NR6A1: variants seen among roughly 807,000 people sequenced by gnomAD.
NR6A1 encodes the protein nuclear receptor subfamily 6 group A member 1, also known as retinoic acid receptor-related testis-associated receptor.
Under a neutral mutation model 59.1 loss-of-function variants are expected in NR6A1, and 7 were observed. The ratio of observed to expected loss-of-function variants is 0.12; its 90% confidence interval spans 0.07 to 0.22. NR6A1 has a LOEUF of 0.22. NR6A1 is among the 10% of genes least tolerant of loss of function. The pLI is 1.00. For synonymous variants in NR6A1, 243 were observed against 236.1 expected (o/e 1.03, Z -0.27); for missense variants, 468 against 611.6 (o/e 0.77, Z 2.48).
intron 2 of NR6A1, among the ~76,000 whole-genome samples, chr9:124,582,190 T>G (rs543025852): frequency 1.4e-4 from 21 of 152,168 alleles, no homozygotes; most frequent in Non-Finnish European, 2.6e-4. Context: ...CCATCAGTGA[T>G]AGACTGGATA....
At chr9:124,640,797 A>AT (rs1836749197) in intron 2 of NR6A1, among the ~76,000 whole-genome samples, 1 of 151,984 alleles carries the variant, frequency 6.6e-6, no homozygotes, top group South Asian at 2.1e-4. Flanking sequence ...TAATTTTTGT[A>AT]TTTTTTGTAG....
chr9:124,712,187 G>A lies in NR6A1; in HGVS notation c.142+21121C>T, dbSNP rs555767034. 2.0e-5 allele frequency among the ~76,000 whole-genome samples: 3 copies of A among 152,328 alleles called. No homozygotes were observed. The South Asian group carries it at 6.2e-4, about 32-fold the overall frequency. ...GATGGAGACTTAAAAACTGAAGGAG[G>A]AGGAGAGAGCGCTTATGCCCATCTA... On this transcript the variant is annotated intron_variant, in intron 2 of 9. Transcript: ENST00000487099.
chr9:124,653,517 C>T (rs1837162264), intron 2 of NR6A1, among the ~76,000 whole-genome samples: 1 of 151,980 alleles, frequency 6.6e-6, no homozygotes, highest in African/African-American at 2.4e-5. Flanking sequence ...CTCAAGTGAC[C>T]CTCTCTCCTC....
chr9:124,734,684 C>T (rs1045239053), intron 1 of NR6A1, among the ~76,000 whole-genome samples: 3 of 151,954 alleles, frequency 2.0e-5, no homozygotes, highest in African/African-American at 7.3e-5. Flanking sequence ...CAGAGCGAGA[C>T]GCTGTCTCAA....
chr9:124,635,792 T>C (rs572866923), intron 2 of NR6A1, among the ~76,000 whole-genome samples: 1 of 152,326 alleles, frequency 6.6e-6, no homozygotes, highest in South Asian at 2.1e-4. Flanking sequence ...GTTGCTCCCA[T>C]GTTTTGGCAA....
At chr9:124,623,641 C>A (rs926758033) in intron 2 of NR6A1, among the ~76,000 whole-genome samples, 33 of 152,012 alleles carry the variant, frequency 2.2e-4, no homozygotes, top group Non-Finnish European at 4.1e-4. Context: ...CAGGCATGGG[C>A]CACCACACCC....
chr9:124,549,519 C>T (rs1160338636), intron 3 of NR6A1, among the ~76,000 whole-genome samples: 1 of 152,160 alleles, frequency 6.6e-6, no homozygotes, highest in African/African-American at 2.4e-5. Flanking sequence ...ATTCACCACC[C>T]TTCTTTAGAT....
chr9:124,616,509 A>G (rs750485438), intron 2 of NR6A1, among the ~76,000 whole-genome samples: 17 of 151,976 alleles, frequency 1.1e-4, no homozygotes, highest in Non-Finnish European at 2.4e-4. Flanking sequence ...CTTTCTAAGC[A>G]TAACATGAAA....
chr9:124,538,545 C>CA (rs1485656321), intron 5 of NR6A1, among the ~76,000 whole-genome samples: 1 of 152,162 alleles, frequency 6.6e-6, no homozygotes, highest in Non-Finnish European at 1.5e-5. Flanking sequence ...ACTGGACACT[C>CA]AGTGCATGGC....
intron 2 of NR6A1, among the ~76,000 whole-genome samples, chr9:124,649,610 T>C (rs911754914): frequency 2.6e-5 from 4 of 152,110 alleles, no homozygotes; most frequent in African/African-American, 9.7e-5. Context: ...CAAATGGGGT[T>C]ATATCAAGCT....
At chr9:124,555,483 G>GCA (rs1833896437) in intron 2 of NR6A1, among the ~76,000 whole-genome samples, 1 of 152,190 alleles carries the variant, frequency 6.6e-6, no homozygotes, top group Non-Finnish European at 1.5e-5. Flanking sequence ...AGGCGTGATG[G>GCA]CACACACCTG....
chr9:124,709,713 C>A (rs1839221725), intron 2 of NR6A1, among the ~76,000 whole-genome samples: 1 of 151,000 alleles, frequency 6.6e-6, no homozygotes, highest in African/African-American at 2.4e-5. Flanking sequence ...GCGGGCAGAT[C>A]ACTTGAGGTC....
chr9:124,589,282 T>C (rs1463585298), intron 2 of NR6A1, among the ~76,000 whole-genome samples: 1 of 151,482 alleles, frequency 6.6e-6, no homozygotes, highest in Non-Finnish European at 1.5e-5. Context: ...CCGTCTCTAC[T>C]AAAAACACAA....
rs1028170436 is a variant in NR6A1, at chr9:124,744,930, A to T, written c.101-11581T>A. ...AAAGAGATGTCCCACATGTGGCAGAATGTACCTTTTTCCTTATTTTCTTTA... is the reference window on the plus strand; with the variant it reads ...AAAGAGATGTCCCACATGTGGCAGATTGTACCTTTTTCCTTATTTTCTTTA... On this transcript the variant is annotated intron_variant, in intron 1 of 9. Coordinates refer to ENST00000487099, the MANE Select transcript of NR6A1 (RefSeq NM_033334.4). Among the ~76,000 whole-genome samples the T allele has an allele frequency of 2.0e-5, 3 of 152,210 alleles. No homozygotes were observed. In the East Asian group the frequency reaches 5.8e-4, roughly 29 times the overall value.
rs528734829 is a variant in NR6A1, at chr9:124,723,947, C to T, written c.142+9361G>A. Among the ~76,000 whole-genome samples, 16 of 152,136 alleles carry T rather than the reference C, an allele frequency of 1.1e-4. No individual in the cohort carries two copies. In the South Asian group the frequency reaches 3.1e-3, roughly 30 times the overall value. On this transcript the variant is annotated intron_variant, in intron 2 of 9. Coordinates refer to ENST00000487099, the MANE Select transcript of NR6A1 (RefSeq NM_033334.4). ...GCATAAAAAAACTAAAGCACTCATTCGAAATGCAGACAAAAAATTTATACA... is the reference window on the plus strand; with the variant it reads ...GCATAAAAAAACTAAAGCACTCATTTGAAATGCAGACAAAAAATTTATACA...
At chr9:124,586,560 C>T (rs2131474828) in intron 2 of NR6A1, among the ~76,000 whole-genome samples, 1 of 152,204 alleles carries the variant, frequency 6.6e-6, no homozygotes, top group East Asian at 1.9e-4. Context: ...ATCCTCCTGC[C>T]TCAGTCTGCC....
At position 124,557,172 on chromosome 9, in the gene NR6A1, AGGCTG is replaced by A. The variant is rs1325796215; in HGVS notation, c.143-2607_143-2603del. Among the ~76,000 whole-genome samples the A allele has an allele frequency of 2.6e-5, 4 of 152,298 alleles. No homozygotes were observed. In the East Asian group the frequency reaches 5.8e-4, roughly 22 times the overall value. ...TGAGACGGATCTCACTCTGTAGCCC[AGGCTG>A]GAGTGCAGTAGCGCGATCTTGGCTC... On this transcript the variant is annotated intron_variant, in intron 2 of 9. Coordinates refer to ENST00000487099, the MANE Select transcript of NR6A1 (RefSeq NM_033334.4).
In NR6A1 at chr9:124,771,081, G is replaced by A. The variant is rs1841144868; in HGVS notation, c.39C>T (p.Gly13=). The change falls in exon 1 of 10, where the codon GGC becomes GGT. Residue 13 remains glycine, a synonymous_variant. Coordinates refer to ENST00000487099, the MANE Select transcript of NR6A1 (RefSeq NM_033334.4). ...RDEPPPSGGG[G]GGGSAGFLEP... is the part of the protein sequence containing the mutation. Reference sequence around the variant, plus strand: ...CCAGGAACCCCGCCGAGCCCCCGCCGCCTCCCCCTCCGCTAGGCGGCGGTT... The same window carrying A: ...CCAGGAACCCCGCCGAGCCCCCGCCACCTCCCCCTCCGCTAGGCGGCGGTT... The A allele has an allele frequency of 1.3e-5, 16 of 1,230,272 alleles. No individual in the cohort carries two copies. The highest frequency in any genetic ancestry group is 1.6e-5 in the Non-Finnish European group (16 of 986,860). The allele number at this position is 1,230,272 out of a possible 1,614,324, so 76.2% of individuals were successfully genotyped here.
At chr9:124,638,860 C>G (rs1469099946) in intron 2 of NR6A1, among the ~76,000 whole-genome samples, 3 of 151,990 alleles carry the variant, frequency 2.0e-5, no homozygotes, top group African/African-American at 7.3e-5. Flanking sequence ...TTGTGAAAGC[C>G]CTTAAGTGAA....
Sources: gnomAD v4.1 joint callset for allele counts (sites outside exome capture counted in the v4.1 genomes callset) on GRCh38, gnomAD v4.1.1 for gene constraint, MANE v1.5 for transcripts, NCBI Gene and HGNC (gene_info 2026-07-23, HGNC 2026-07-21) for gene names.